The following RUNX3 variants were observed in gnomAD, a reference collection of about 807,000 sequenced individuals.
RUNX3 encodes the protein runt-related transcription factor 3.
In RUNX3, 10 loss-of-function variants were observed where a neutral mutation model predicts 27.7. The ratio of observed to expected loss-of-function variants is 0.36; its 90% CI spans 0.22 to 0.61. The LOEUF is 0.61. Ranked by LOEUF, RUNX3 falls within the 20% of genes least tolerant of loss-of-function variation. The pLI, the probability that RUNX3 is intolerant of heterozygous loss-of-function variation, is 0.72. For synonymous variants in RUNX3, 270 were observed against 269.2 expected, an observed-to-expected ratio of 1.00 and a Z score of -0.03; for missense variants, 469 against 629.5, an observed-to-expected ratio of 0.75 and a Z score of 2.73.
In RUNX3 at chr1:24,902,085, G is replaced by A. The variant is rs1199991947; in HGVS notation, c.*37C>T. On this transcript the variant is annotated 3_prime_UTR_variant, in exon 5 of 5. Coordinates refer to ENST00000308873, the MANE Select transcript of RUNX3 (RefSeq NM_004350.3). This position sits in a 1 kb window ranked among gnomAD's most constrained non-coding sequence, Gnocchi z 9.2. ...CATCACTGGTCTTGAAGGTTGTTAG[G>A]GTCCCCGCCTCCAGCGGGAGGAGTC... 2 of 1,470,502 alleles carry A rather than the reference G, an allele frequency of 1.4e-6. No individual in the cohort carries two copies. Among genetic ancestry groups the A allele is most frequent in the South Asian group, 2.7e-5 (2 of 73,764 alleles). 91.1% of individuals were successfully genotyped at this position (1,470,502 alleles called of 1,614,324 possible). A position where few individuals can be genotyped will look rare whatever the true frequency, so the allele number is the denominator to read the frequency against.
chr1:24,913,460 C>T (rs57166561), intron 3 of RUNX3, among the ~76,000 whole-genome samples: 5,611 of 152,352 alleles, frequency 0.037, 327 homozygotes, highest in African/African-American at 0.12. Context: ...CTCTAACCCC[C>T]GAGGGTCAGG....
Position 24,962,561 on chromosome 1 carries a change from A to C in RUNX3, c.58+1953T>G, listed in dbSNP as rs1642143313. ...GGCGAGCACGTCGTGAGCAGAAATG[A>C]ACAGGAGAGAGAAGGCTGAAGAGGG... On this transcript the variant is annotated intron_variant, in intron 2 of 6. Transcript: ENST00000338888. The surrounding 1 kb of genome is among the most constrained non-coding windows in gnomAD (Gnocchi z 4.5). Among the ~76,000 whole-genome samples, 2 of 152,330 alleles carry C rather than the reference A, an allele frequency of 1.3e-5. No individual in the cohort carries two copies. Among genetic ancestry groups the C allele is most frequent in the Admixed American group, 6.5e-5 (1 of 15,306 alleles).
intron 2 of RUNX3, among the ~76,000 whole-genome samples, chr1:24,953,853 G>T (rs960066328): frequency 1.5e-4 from 23 of 152,232 alleles, no homozygotes; most frequent in Admixed American, 1.3e-3. Flanking sequence ...TCCTAAATTT[G>T]AATGCTTCTG....
upstream of RUNX3, among the ~76,000 whole-genome samples, chr1:24,935,046 A>G: frequency 6.6e-6 from 1 of 152,222 alleles, no homozygotes. Flanking sequence ...CCCAGTTTAC[A>G]GATGGGAACA....
intron 2 of RUNX3, among the ~76,000 whole-genome samples, chr1:24,941,400 A>C (rs1414772950): frequency 2.0e-5 from 3 of 152,260 alleles, no homozygotes; most frequent in African/African-American, 7.2e-5. Flanking sequence ...CCTTGATTAT[A>C]GTAACTAGCG....
intron 2 of RUNX3, among the ~76,000 whole-genome samples, chr1:24,953,475 C>T (rs1200760506): frequency 6.7e-6 from 1 of 148,306 alleles, no homozygotes; most frequent in Non-Finnish European, 1.5e-5. Context: ...TACTTAAATG[C>T]TATCTAAATG....
chr1:24,946,550 G>A (rs1450463517), intron 2 of RUNX3, among the ~76,000 whole-genome samples: 1 of 152,118 alleles, frequency 6.6e-6, no homozygotes, highest in Non-Finnish European at 1.5e-5. Context: ...AGCCTGGTAG[G>A]GGCCAGGGTG....
chr1:24,956,990 C>A (rs1260494886), intron 2 of RUNX3, among the ~76,000 whole-genome samples: 1 of 152,036 alleles, frequency 6.6e-6, no homozygotes, highest in Admixed American at 6.6e-5. Context: ...TACAAAAGCT[C>A]CCCCCCACAG....
At position 24,916,968 on chromosome 1, in the gene RUNX3, G is replaced by A. The variant is rs980403378; in HGVS notation, c.544+2272C>T. Among the ~76,000 whole-genome samples, 2 of 152,200 alleles carry A rather than the reference G, an allele frequency of 1.3e-5. No homozygotes were observed. The highest frequency in any genetic ancestry group is 4.8e-5 in the African/African-American group (2 of 41,452). On this transcript the variant is annotated intron_variant, in intron 3 of 4. Transcript: ENST00000308873. The surrounding 1 kb of genome is among the most constrained non-coding windows in gnomAD (Gnocchi z 4.8). The stretch of plus-strand genomic sequence containing the variant: ...GGCCATCTCAGGTCTGGGAGACCCA[G>A]GCAGGGAAGAGCAGGCAGGGGATTC...
intron 3 of RUNX3, among the ~76,000 whole-genome samples, chr1:24,910,288 C>CAAA (rs745858311): frequency 2.5e-5 from 2 of 81,386 alleles, no homozygotes; most frequent in African/African-American, 9.5e-5. Flanking sequence ...GATTCCATCT[C>CAAA]AAAAAAAAAA....
rs188440860 is a variant in RUNX3, at chr1:24,947,863, C to G, written c.58+16651G>C. On this transcript the variant is annotated intron_variant, in intron 2 of 6. Coordinates refer to the RUNX3 transcript ENST00000338888. Reference sequence around the variant, plus strand: ...GGACCCAGAGCCCAGAGAAGTTTGACCAGGACTGGCTTCCTCTGCCCTCTC... The same window carrying G: ...GGACCCAGAGCCCAGAGAAGTTTGAGCAGGACTGGCTTCCTCTGCCCTCTC... Among the ~76,000 whole-genome samples, 6 of 152,332 alleles carry G rather than the reference C, an allele frequency of 3.9e-5. No individual in the cohort carries two copies. The East Asian group carries it at 9.6e-4, about 24-fold the overall frequency.
intron 2 of RUNX3, among the ~76,000 whole-genome samples, chr1:24,944,119 A>T (rs1165264402): frequency 6.6e-6 from 1 of 152,156 alleles, no homozygotes; most frequent in Non-Finnish European, 1.5e-5. Context: ...TTAGCAGGAC[A>T]GGGTGGTACT....
Position 24,916,449 on chromosome 1 carries a change from C to T in RUNX3, c.544+2791G>A, listed in dbSNP as rs538603646. The stretch of plus-strand genomic sequence containing the variant: ...CAGTCACCTTGGGCAAAAGGTTTTG[C>T]GCCCTGGCCTCTATCCTCTCCTGGG... On this transcript the variant is annotated intron_variant, in intron 3 of 4. Transcript: ENST00000308873. The surrounding 1 kb of genome is among the most constrained non-coding windows in gnomAD (Gnocchi z 4.8). Among the ~76,000 whole-genome samples the T allele has an allele frequency of 7.2e-5, 11 of 152,318 alleles. No individual in the cohort carries two copies. The South Asian group carries it at 1.4e-3, about 20-fold the overall frequency.
chr1:24,929,043 TCGGGA>T (rs1641155962), intron 1 of RUNX3: 1 of 457,050 alleles, frequency 2.2e-6, no homozygotes, highest in African/African-American at 2.0e-5. Context: ...AACTCGCCAT[TCGGGA>T]CGCATAATAT....
intron 2 of RUNX3, among the ~76,000 whole-genome samples, chr1:24,951,467 A>C (rs1641764237): frequency 6.6e-6 from 1 of 152,186 alleles, no homozygotes; most frequent in African/African-American, 2.4e-5. Context: ...TGTTCCACAA[A>C]TGATTACTGG....
intron 2 of RUNX3, among the ~76,000 whole-genome samples, chr1:24,946,725 A>G (rs553870080): frequency 1.3e-5 from 2 of 152,246 alleles, no homozygotes; most frequent in South Asian, 2.1e-4. Context: ...TGCTGAGACC[A>G]GTATAGACAC....
rs1405358401 is a variant in RUNX3 at position 24,929,765 on chromosome 1, G to C, written c.104C>G (p.Ala35Gly). The C allele has an allele frequency of 1.6e-5, 24 of 1,462,858 alleles. No homozygotes were observed. The highest frequency in any genetic ancestry group is 2.0e-5 in the Non-Finnish European group (22 of 1,116,706). The allele number at this position is 1,462,858 out of a possible 1,614,324, so 90.6% of individuals were successfully genotyped here. The change falls in exon 1 of 5, where the codon GCG (alanine) becomes GGG (glycine). Residue 35 changes from alanine (A) to glycine (G), a missense_variant. Ala to Gly is a moderately conservative substitution (Grantham distance 60). Coordinates refer to ENST00000308873, the MANE Select transcript of RUNX3 (RefSeq NM_004350.3). ...GGGKMGENSG[A>G]LSAQAAVGPG... ...CCCCACGGCCGCCTGCGCGCTCAGC[G>C]CGCCGCTGTTCTCGCCCATCTTGCC...
At chr1:24,952,399 G>A (rs923856025) in intron 2 of RUNX3, among the ~76,000 whole-genome samples, 5 of 152,214 alleles carry the variant, frequency 3.3e-5, no homozygotes, top group African/African-American at 1.2e-4. Flanking sequence ...CAACAAGGTA[G>A]CCATTAGCAT....
At chr1:24,928,364 T>C (rs1384171611) in intron 1 of RUNX3, among the ~76,000 whole-genome samples, 3 of 152,194 alleles carry the variant, frequency 2.0e-5, no homozygotes, top group Non-Finnish European at 4.4e-5. Flanking sequence ...AGGATGCACC[T>C]GCCGGGAATT....
Sources: gnomAD v4.1 joint callset for allele counts (sites outside exome capture counted in the v4.1 genomes callset) on GRCh38, gnomAD v4.1.1 for gene constraint, Gnocchi (gnomAD v3.1) non-coding constraint, MANE v1.5 for transcripts, NCBI Gene and HGNC (gene_info 2026-07-23, HGNC 2026-07-21) for gene names.